The following CADM1 variants were observed in gnomAD, a reference collection of about 807,000 sequenced individuals.
The protein encoded by CADM1 is cell adhesion molecule 1, also known as TSLC-1.
A neutral mutation model predicts 53.1 loss-of-function variants in CADM1; 15 were observed. The observed-to-expected ratio is 0.28, with a 90% CI of 0.19 to 0.44. The LOEUF (loss-of-function observed/expected upper bound fraction) is 0.44, where lower values mean the gene tolerates loss of function less well. Among genes scored for constraint, CADM1 ranks in the 20% least tolerant of loss-of-function variants. The pLI is 1.00. For synonymous variants in CADM1, 281 were observed against 243.0 expected (o/e 1.16, Z -1.45); for missense variants, 434 against 611.3 (o/e 0.71, Z 3.06).
At chr11:115,386,298 A>G (rs1463166119) in intron 1 of CADM1, among the ~76,000 whole-genome samples, 1 of 152,272 alleles carries the variant, frequency 6.6e-6, no homozygotes, top group Non-Finnish European at 1.5e-5. Flanking sequence ...TGGGAGGAAC[A>G]CTTATATCCT....
intron 1 of CADM1, among the ~76,000 whole-genome samples, chr11:115,447,352 G>A (rs1025589231): frequency 6.6e-6 from 1 of 152,048 alleles, no homozygotes; most frequent in African/African-American, 2.4e-5. Flanking sequence ...CTTTTCACCT[G>A]TAAAATGGGA....
chr11:115,191,265 A>T (rs1022388589), intron 9 of CADM1, among the ~76,000 whole-genome samples: 3 of 151,796 alleles, frequency 2.0e-5, no homozygotes, highest in Non-Finnish European at 4.4e-5. Flanking sequence ...CGATGCTCTG[A>T]TATCTCTTAA....
chr11:115,443,346 A>T (rs997101636), intron 1 of CADM1, among the ~76,000 whole-genome samples: 3 of 152,220 alleles, frequency 2.0e-5, no homozygotes, highest in Non-Finnish European at 4.4e-5. Context: ...AATCAGTGAC[A>T]TTTTTTGATA....
rs576291295 is a variant in CADM1 at position 115,351,422 on chromosome 11, G to T, written c.125-111002C>A. 4.6e-5 allele frequency among the ~76,000 whole-genome samples: 7 copies of T among 152,278 alleles called. No individual in the cohort carries two copies. In the South Asian group the frequency reaches 1.5e-3, roughly 32 times the overall value. On this transcript the variant is annotated intron_variant, in intron 1 of 11. Coordinates refer to ENST00000331581, the MANE Select transcript of CADM1 (RefSeq NM_001301043.2). ...CATGAGGCACTAACATTAAACCCAAGTCTTTCAATGGCCACTTGGAGTCCC... is the reference window on the plus strand; with the variant it reads ...CATGAGGCACTAACATTAAACCCAATTCTTTCAATGGCCACTTGGAGTCCC...
chr11:115,332,120 T>C (rs957382796), intron 1 of CADM1, among the ~76,000 whole-genome samples: 9 of 152,190 alleles, frequency 5.9e-5, no homozygotes, highest in African/African-American at 2.2e-4. Flanking sequence ...ACAATCATTA[T>C]TGAACCATCT....
At chr11:115,411,103 T>C (rs1490689734) in intron 1 of CADM1, among the ~76,000 whole-genome samples, 1 of 152,234 alleles carries the variant, frequency 6.6e-6, no homozygotes, top group African/African-American at 2.4e-5. Flanking sequence ...ATTACACATA[T>C]TAATTACATG....
intron 1 of CADM1, among the ~76,000 whole-genome samples, chr11:115,330,392 A>G (rs979825823): frequency 1.3e-5 from 2 of 152,150 alleles, no homozygotes; most frequent in Non-Finnish European, 2.9e-5. Flanking sequence ...GATCTCTACA[A>G]TTTCTTTGCT....
At chr11:115,300,080 T>A (rs1485504741) in intron 1 of CADM1, among the ~76,000 whole-genome samples, 1 of 152,128 alleles carries the variant, frequency 6.6e-6, no homozygotes, top group Non-Finnish European at 1.5e-5. Context: ...TGCAACAGAC[T>A]TTTTTTGGTT....
At chr11:115,230,302 T>C (rs1431630315) in intron 4 of CADM1, among the ~76,000 whole-genome samples, 3 of 152,206 alleles carry the variant, frequency 2.0e-5, no homozygotes, top group Non-Finnish European at 4.4e-5. Flanking sequence ...CAAGCACATA[T>C]ACAGCACTTA....
At chr11:115,266,335 A>G (rs1943139508) in intron 1 of CADM1, among the ~76,000 whole-genome samples, 1 of 152,260 alleles carries the variant, frequency 6.6e-6, no homozygotes, top group East Asian at 1.9e-4. Context: ...ACAATGCTCA[A>G]TTGTTCTAGA....
intron 1 of CADM1, among the ~76,000 whole-genome samples, chr11:115,374,715 A>T (rs1007520406): frequency 7.9e-5 from 12 of 152,214 alleles, no homozygotes; most frequent in Non-Finnish European, 1.6e-4. Flanking sequence ...GAAATAAAAA[A>T]ATTTTTAAAA....
intron 1 of CADM1, among the ~76,000 whole-genome samples, chr11:115,272,334 G>A (rs540470714): frequency 2.0e-5 from 3 of 151,904 alleles, no homozygotes; most frequent in African/African-American, 4.8e-5. Context: ...CTTGATTTTT[G>A]AGCTAAGATG....
rs111437196 is a variant in CADM1, at chr11:115,382,125, G to A, written c.124+122146C>T. ...CTCCCAAAGTGCTGGGATTACAGGC[G>A]TGAGCCACCGTGTGTGGCAATAATT... On this transcript the variant is annotated intron_variant, in intron 1 of 11. Transcript: ENST00000331581. Among the ~76,000 whole-genome samples the A allele has an allele frequency of 7.2e-3, 1,093 of 152,260 alleles. 14 individuals carry two copies. The highest frequency in any genetic ancestry group is 0.024 in the African/African-American group (994 of 41,556).
At chr11:115,246,725 G>A (rs1591639584) in intron 1 of CADM1, among the ~76,000 whole-genome samples, 1 of 152,154 alleles carries the variant, frequency 6.6e-6, no homozygotes, top group East Asian at 1.9e-4. Flanking sequence ...GGCTTTTGTT[G>A]TTGTTGTTTT....
At chr11:115,311,960 T>C (rs1944543297) in intron 1 of CADM1, among the ~76,000 whole-genome samples, 1 of 152,196 alleles carries the variant, frequency 6.6e-6, no homozygotes, top group Non-Finnish European at 1.5e-5. Context: ...GGATAAGATT[T>C]TCCTACTCAA....
intron 1 of CADM1, among the ~76,000 whole-genome samples, chr11:115,295,863 A>G (rs1047131676): frequency 6.6e-6 from 1 of 152,014 alleles, no homozygotes; most frequent in Admixed American, 6.6e-5. Context: ...TCAACTATTA[A>G]TACTATATTC....
intron 1 of CADM1, among the ~76,000 whole-genome samples, chr11:115,407,924 T>G (rs1947360095): frequency 7.1e-6 from 1 of 140,900 alleles, no homozygotes; most frequent in African/African-American, 2.7e-5. Flanking sequence ...TTGAGTTGAG[T>G]TTTTGTGTAT....
At chr11:115,498,965 T>A (rs1302420988) in intron 1 of CADM1, among the ~76,000 whole-genome samples, 1 of 152,168 alleles carries the variant, frequency 6.6e-6, no homozygotes, top group African/African-American at 2.4e-5. Context: ...CTGGGTGATT[T>A]GCATGCATGG....
At chr11:115,208,420 C>T (rs1940798632) in intron 8 of CADM1, among the ~76,000 whole-genome samples, 15 of 152,044 alleles carry the variant, frequency 9.9e-5, no homozygotes, top group Admixed American at 9.8e-4. Context: ...TTACTGACTC[C>T]CATGAAAATT....
Sources: allele counts gnomAD v4.1 joint callset (sites outside exome capture counted in the v4.1 genomes callset), GRCh38; gene constraint gnomAD v4.1.1; transcripts MANE v1.5; gene names NCBI Gene and HGNC (gene_info 2026-07-23, HGNC 2026-07-21).